Variants in PTDSS1 observed in about 807,000 individuals in gnomAD.
PTDSS1 encodes the protein PSS-1.
PTDSS1 carries 45 observed loss-of-function variants against 70.5 expected under a neutral mutation model. That is an observed-to-expected ratio of 0.64 (90% confidence interval 0.50 to 0.82). The LOEUF (loss-of-function observed/expected upper bound fraction) is 0.82. Among genes scored for constraint, PTDSS1 ranks in the 40% least tolerant of loss-of-function variants. The pLI is 0.00. For missense variants in PTDSS1, 417 were observed against 586.1 expected (o/e 0.71, Z 2.98); for synonymous variants, 188 against 203.8 (o/e 0.92, Z 0.66).
At chr8:96,313,138 G>T (rs565045352) in intron 9 of PTDSS1, among the ~76,000 whole-genome samples, 5 of 152,332 alleles carry the variant, frequency 3.3e-5, no homozygotes, top group African/African-American at 1.2e-4. Context: ...TTCTCCTGAA[G>T]AGGGTACTTT....
intron 12 of PTDSS1, among the ~76,000 whole-genome samples, chr8:96,332,090 T>C (rs957910695): frequency 1.4e-5 from 2 of 147,348 alleles, no homozygotes; most frequent in African/African-American, 5.0e-5. Flanking sequence ...AAGAGGGGGA[T>C]CATTTTAATG....
In PTDSS1 at chr8:96,287,035, C is replaced by A; in HGVS notation, c.330C>A (p.Leu110=). 6.2e-7 allele frequency: 1 copy of A among 1,614,044 alleles called. No individual in the cohort carries two copies. The part of the protein sequence containing the change: ...LWRMVFGLSV[L]YFLFLVFLLF... ...TGTTTCTCTCAGGACTCAGTGTGCT[C>A]TACTTCCTGTTCCTGGTATTCCTAC... The change falls in exon 4 of 13, where the codon CTC becomes CTA. Residue 110 remains leucine (L), a synonymous_variant. Transcript: ENST00000517309.
chr8:96,328,248 C>A (rs1251484413), intron 10 of PTDSS1, among the ~76,000 whole-genome samples: 1 of 152,148 alleles, frequency 6.6e-6, no homozygotes, highest in Non-Finnish European at 1.5e-5. Flanking sequence ...GGAGGTGGAA[C>A]CTAACCCCCC....
At chr8:96,303,954 C>A (rs1042785895) in intron 6 of PTDSS1, 86 bp from the exon 7 acceptor site, 3 of 1,345,748 alleles carry the variant, frequency 2.2e-6, no homozygotes, top group Admixed American at 2.4e-5. Flanking sequence ...TTATAAAAAT[C>A]ATCAGTGCAC....
intron 10 of PTDSS1, among the ~76,000 whole-genome samples, chr8:96,322,137 A>T (rs1450181506): frequency 5.3e-5 from 8 of 152,094 alleles, no homozygotes; most frequent in Non-Finnish European, 2.9e-5. Flanking sequence ...TCCTCACCAC[A>T]GCAAATCACA....
intron 12 of PTDSS1, among the ~76,000 whole-genome samples, chr8:96,331,645 G>A (rs1167384288): frequency 6.6e-6 from 1 of 152,110 alleles, no homozygotes; most frequent in African/African-American, 2.4e-5. Context: ...GAAAGACTTG[G>A]TTTGTAAGAA....
At chr8:96,312,119 T>C (rs574838456) in intron 9 of PTDSS1, among the ~76,000 whole-genome samples, 52 of 152,278 alleles carry the variant, frequency 3.4e-4, no homozygotes, top group Admixed American at 1.6e-3. Flanking sequence ...TCTTTCTAAT[T>C]GGACAGCCAT....
chr8:96,273,718 T>C (rs1256812236), intron 2 of PTDSS1, among the ~76,000 whole-genome samples: 1 of 152,236 alleles, frequency 6.6e-6, no homozygotes, highest in Non-Finnish European at 1.5e-5. Context: ...TTGTTTTTGT[T>C]GCTGTTTTTG....
chr8:96,322,133 C>T (rs146457086), intron 10 of PTDSS1, among the ~76,000 whole-genome samples: 218 of 152,248 alleles, frequency 1.4e-3, no homozygotes, highest in African/African-American at 4.9e-3. Flanking sequence ...GCCCTCCTCA[C>T]CACAGCAAAT....
chr8:96,294,313 T>C (rs1470857809), intron 4 of PTDSS1, among the ~76,000 whole-genome samples: 5 of 152,178 alleles, frequency 3.3e-5, no homozygotes, highest in African/African-American at 9.6e-5. Context: ...TTGCCAACTC[T>C]TACTACTGCC....
At chr8:96,298,357 T>C (rs1811005088) in intron 5 of PTDSS1, among the ~76,000 whole-genome samples, 1 of 152,256 alleles carries the variant, frequency 6.6e-6, no homozygotes, top group South Asian at 2.1e-4. Context: ...TTCAAAGGTT[T>C]GTAATTACAG....
chr8:96,270,465 GT>G, intron 1 of PTDSS1, among the ~76,000 whole-genome samples: 1 of 152,318 alleles, frequency 6.6e-6, no homozygotes, highest in Middle Eastern at 3.4e-3. Context: ...CCAGAGGGGA[GT>G]TTGGCATCCT....
At chr8:96,319,511 A>AT (rs1323847357) in intron 9 of PTDSS1, among the ~76,000 whole-genome samples, 1 of 152,158 alleles carries the variant, frequency 6.6e-6, no homozygotes, top group Non-Finnish European at 1.5e-5. Flanking sequence ...AAAACAAAAA[A>AT]TTTGTATTTA....
intron 12 of PTDSS1, among the ~76,000 whole-genome samples, chr8:96,332,550 C>G (rs966527778): frequency 1.3e-5 from 2 of 152,190 alleles, no homozygotes; most frequent in African/African-American, 2.4e-5. Flanking sequence ...GTTGTGAAAT[C>G]TGATAGAGAT....
At chr8:96,312,295 T>C (rs1235156156) in intron 9 of PTDSS1, among the ~76,000 whole-genome samples, 1 of 152,020 alleles carries the variant, frequency 6.6e-6, no homozygotes, top group Non-Finnish European at 1.5e-5. Flanking sequence ...CACAAAAAGT[T>C]TTTTAAGTTA....
chr8:96,312,166 T>A (rs1811221502), intron 9 of PTDSS1, among the ~76,000 whole-genome samples: 1 of 152,178 alleles, frequency 6.6e-6, no homozygotes, highest in Non-Finnish European at 1.5e-5. Context: ...ACGGCAAAGG[T>A]AAACTCCACT....
chr8:96,320,168 C>T, intron 9 of PTDSS1, 78 bp from the exon 10 acceptor site: 1 of 1,241,498 alleles, frequency 8.1e-7, no homozygotes, highest in Non-Finnish European at 1.2e-6. Context: ...CTTTTTCATT[C>T]AATCATGCAT....
In PTDSS1 at chr8:96,306,526, T is replaced by G; in HGVS notation, c.977T>G (p.Phe326Cys). 1 of 1,613,878 alleles carries G rather than the reference T, an allele frequency of 6.2e-7. No individual in the cohort carries two copies. Reference protein sequence around the residue: ...SHPLSWGRILFIGGITAPTVR... With the variant: ...SHPLSWGRILCIGGITAPTVR... ...CCATTAAGTTGGGGTAGAATTCTCT[T>G]TATTGGTGGCATCACAGCTCCCACA... Residue 326 changes from phenylalanine (F) to cysteine (C), a missense_variant, in exon 8 of 13, where the codon TTT (phenylalanine) becomes TGT (cysteine). By Grantham distance (205) the Phe-to-Cys change is radical. Around this residue, in one of 3 missense-constraint regions of PTDSS1, gnomAD observed 272 missense variants for 429.5 expected, o/e 0.63. Transcript: ENST00000517309.
At chr8:96,316,659 C>T (rs924074922) in intron 9 of PTDSS1, among the ~76,000 whole-genome samples, 7 of 151,844 alleles carry the variant, frequency 4.6e-5, no homozygotes, top group Admixed American at 6.6e-5. Context: ...ACATGTACCC[C>T]CTGTATGTAA....
Sources: gnomAD v4.1 joint callset for allele counts (sites outside exome capture counted in the v4.1 genomes callset) on GRCh38, gnomAD v4.1.1 for gene constraint, gnomAD v4.1.1 regional missense constraint, MANE v1.5 for transcripts, NCBI Gene and HGNC (gene_info 2026-07-23, HGNC 2026-07-21) for gene names.